The following ACTR3B variants were observed in gnomAD, a reference collection of about 807,000 sequenced individuals.
ACTR3B encodes the protein actin related protein 3B.
Under a neutral mutation model 59.0 loss-of-function variants are expected in ACTR3B, and 8 were observed. The observed-to-expected ratio is 0.14, with a 90% CI of 0.08 to 0.24. The LOEUF is 0.24. Ranked by LOEUF, ACTR3B falls within the 10% of genes least tolerant of loss-of-function variation. ACTR3B has a pLI of 1.00. For missense variants in ACTR3B, 245 were observed against 552.3 expected (o/e 0.44, Z 5.58); for synonymous variants, 148 against 197.9 (o/e 0.75, Z 2.12).
intron 6 of ACTR3B, 113 bp from the exon 7 acceptor site, chr7:152,820,186 G>C: frequency 6.5e-7 from 1 of 1,536,852 alleles, no homozygotes. Flanking sequence ...GTAAATGCTT[G>C]TCAGTGCCAT....
At chr7:152,788,653 C>T (rs1224558140) in intron 2 of ACTR3B, among the ~76,000 whole-genome samples, 1 of 152,030 alleles carries the variant, frequency 6.6e-6, no homozygotes, top group Non-Finnish European at 1.5e-5. Flanking sequence ...CCTTGTGATT[C>T]ACCCACCTCA....
chr7:152,845,859 G>A (rs1299851711), intron 9 of ACTR3B, among the ~76,000 whole-genome samples: 1 of 152,180 alleles, frequency 6.6e-6, no homozygotes, highest in Non-Finnish European at 1.5e-5. Flanking sequence ...TTTCTTAAGT[G>A]AAAATAAAGA....
chr7:152,764,751 A>G (rs2098102781), intron 1 of ACTR3B, among the ~76,000 whole-genome samples: 3 of 152,148 alleles, frequency 2.0e-5, no homozygotes, highest in African/African-American at 4.8e-5. Flanking sequence ...CAAAGGGCAA[A>G]TGCATATGTA....
At position 152,795,093 on chromosome 7, in the gene ACTR3B, G is replaced by A. The variant is rs2098211903; in HGVS notation, c.101-5438G>A. Among the ~76,000 whole-genome samples, 3 of 150,328 alleles carry A rather than the reference G, an allele frequency of 2.0e-5. No individual in the cohort carries two copies. The South Asian group carries it at 6.3e-4, about 31-fold the overall frequency. On this transcript the variant is annotated intron_variant, in intron 2 of 11. Transcript: ENST00000256001. Reference sequence around the variant, plus strand: ...TTTGTCACCCAGGCTGGAGTGCAGTGGCATGATCTCAGCTCACTGCAACCC... The same window carrying A: ...TTTGTCACCCAGGCTGGAGTGCAGTAGCATGATCTCAGCTCACTGCAACCC...
intron 1 of ACTR3B, among the ~76,000 whole-genome samples, chr7:152,760,163 T>G (rs987042613): frequency 1.3e-5 from 2 of 152,114 alleles, no homozygotes; most frequent in African/African-American, 4.8e-5. Flanking sequence ...AGGGACGCGG[T>G]GCCCACTCTG....
intron 4 of ACTR3B, among the ~76,000 whole-genome samples, chr7:152,803,089 CAG>C (rs768003978): frequency 1.2e-4 from 19 of 152,074 alleles, no homozygotes; most frequent in Non-Finnish European, 2.1e-4. Context: ...CTCTGTTGTC[CAG>C]GTTGGAGTTC....
intron 2 of ACTR3B, among the ~76,000 whole-genome samples, chr7:152,799,648 A>G (rs1389290087): frequency 2.0e-5 from 3 of 152,250 alleles, no homozygotes; most frequent in Admixed American, 2.0e-4. Flanking sequence ...AAATGCCTTA[A>G]TGCAGGTATA....
At chr7:152,779,787 G>A (rs2098146011) in intron 1 of ACTR3B, among the ~76,000 whole-genome samples, 2 of 152,120 alleles carry the variant, frequency 1.3e-5, no homozygotes, top group South Asian at 4.1e-4. Flanking sequence ...ATTGAAGTTA[G>A]TGATGGATGA....
Position 152,781,193 on chromosome 7 carries a change from G to GTTTT in ACTR3B, c.45-1974_45-1971dup, listed in dbSNP as rs369933153. ...ACGCTTTACCATATTCGTTTCAGTGGTTTTTTTTTTTTTTTTTTTTTTTCT... is the reference window on the plus strand; with the variant it reads ...ACGCTTTACCATATTCGTTTCAGTGGTTTTTTTTTTTTTTTTTTTTTTTTTTTCT... On this transcript the variant is annotated intron_variant, in intron 1 of 11. Transcript: ENST00000256001. Among the ~76,000 whole-genome samples, 145 of 94,392 alleles carry GTTTT rather than the reference G, an allele frequency of 1.5e-3. 1 individual carries two copies. The highest frequency in any genetic ancestry group is 2.0e-3 in the Non-Finnish European group (103 of 50,416). 61.9% of individuals were successfully genotyped at this position (94,392 alleles called of 152,430 possible).
chr7:152,765,109 CTT>C lies in ACTR3B; in HGVS notation c.44+5204_44+5205del, dbSNP rs71182039. On this transcript the variant is annotated intron_variant, in intron 1 of 11. Coordinates refer to ENST00000256001, the MANE Select transcript of ACTR3B (RefSeq NM_020445.6). ...TTTGAGACTGGGTCTTACCCTGGCC[CTT>C]TTTTTTTTTTTTTTTTTTTTCCGGA... is the stretch of plus-strand genomic sequence containing the variant. Among the ~76,000 whole-genome samples, 59 of 66,266 alleles carry C rather than the reference CTT, an allele frequency of 8.9e-4. 1 individual carries two copies. Among genetic ancestry groups the C allele is most frequent in the Middle Eastern group, 9.8e-3 (1 of 102 alleles). The allele number at this position is 66,266 out of a possible 152,430, so 43.5% of individuals were successfully genotyped here. A position where few individuals can be genotyped will look rare whatever the true frequency, so the allele number is the denominator to read the frequency against.
chr7:152,828,552 G>A (rs895606575), intron 9 of ACTR3B, among the ~76,000 whole-genome samples: 11 of 151,980 alleles, frequency 7.2e-5, no homozygotes, highest in Admixed American at 7.2e-4. Context: ...CAGTAGGTCT[G>A]TGGGTTTTTA....
intron 7 of ACTR3B, among the ~76,000 whole-genome samples, chr7:152,822,987 G>C (rs1407312884): frequency 6.6e-6 from 1 of 152,230 alleles, no homozygotes; most frequent in Admixed American, 6.5e-5. Context: ...ACCACAGTGA[G>C]GTGCCAGAGC....
At chr7:152,763,190 C>G (rs1353304263) in intron 1 of ACTR3B, among the ~76,000 whole-genome samples, 1 of 151,488 alleles carries the variant, frequency 6.6e-6, no homozygotes, top group Admixed American at 6.6e-5. Context: ...GTGGTGCGTG[C>G]CTGTAGTCCC....
At chr7:152,801,330 T>G (rs1290033335) in intron 3 of ACTR3B, among the ~76,000 whole-genome samples, 2 of 152,196 alleles carry the variant, frequency 1.3e-5, no homozygotes, top group African/African-American at 4.8e-5. Context: ...GCCTCCTGCC[T>G]TGGCCTCCCA....
intron 4 of ACTR3B, among the ~76,000 whole-genome samples, chr7:152,803,777 T>A (rs1590307906): frequency 6.6e-6 from 1 of 152,240 alleles, no homozygotes; most frequent in East Asian, 1.9e-4. Context: ...CTGCAATGAA[T>A]GTTCAAAAAC....
intron 1 of ACTR3B, among the ~76,000 whole-genome samples, chr7:152,761,652 C>CTTAG (rs1418270670): frequency 2.6e-5 from 4 of 152,144 alleles, no homozygotes; most frequent in Admixed American, 2.6e-4. Flanking sequence ...GGTGTCAAGA[C>CTTAG]TTAGAAACGG....
intron 2 of ACTR3B, among the ~76,000 whole-genome samples, chr7:152,791,493 C>T (rs1047643367): frequency 9.2e-5 from 14 of 152,204 alleles, no homozygotes; most frequent in African/African-American, 3.1e-4. Flanking sequence ...TCCTATTTTG[C>T]CCCCAAAGGT....
rs1223867787 is a variant in ACTR3B at position 152,853,193 on chromosome 7, G to A, written c.1078-301G>A. On this transcript the variant is annotated intron_variant, in intron 10 of 11. Transcript: ENST00000256001. ...GATATGTTAGGTTAAAAAAAAAAAA[G>A]CAGTGGGGTTAATTGCTTGGATTTT... 3.3e-5 allele frequency among the ~76,000 whole-genome samples: 5 copies of A among 151,630 alleles called. No homozygotes were observed. The East Asian group carries it at 9.6e-4, about 29-fold the overall frequency.
chr7:152,761,515 A>G (rs780520512), intron 1 of ACTR3B, among the ~76,000 whole-genome samples: 74 of 152,250 alleles, frequency 4.9e-4, no homozygotes, highest in Non-Finnish European at 8.5e-4. Context: ...CTTTCTTGCT[A>G]TAAATACCTA....
Sources: gnomAD v4.1 joint callset for allele counts (sites outside exome capture counted in the v4.1 genomes callset) on GRCh38, gnomAD v4.1.1 for gene constraint, MANE v1.5 for transcripts, NCBI Gene and HGNC (gene_info 2026-07-23, HGNC 2026-07-21) for gene names.